The following DPP6 variants were observed in gnomAD, a reference collection of about 807,000 sequenced individuals.
The protein encoded by DPP6 is dipeptidyl peptidase like 6.
Under a neutral mutation model 122.6 loss-of-function variants are expected in DPP6, and 69 were observed. That is an observed-to-expected ratio of 0.56 (90% CI 0.46 to 0.69). DPP6 has a LOEUF of 0.69. DPP6 is among the 30% of genes least tolerant of loss of function. The pLI is 0.00. For synonymous variants in DPP6, 418 were observed against 433.1 expected (o/e 0.97, Z 0.43); for missense variants, 928 against 1,116.9 (o/e 0.83, Z 2.41).
At chr7:153,887,379 C>T (rs1003773485) in exon 1 of DPP6, 4 of 267,992 alleles carry the variant, frequency 1.5e-5, no homozygotes, top group Admixed American at 1.4e-4. Flanking sequence ...CTCGCAGCCT[C>T]TTCCTCCCTC....
intron 1 of DPP6, among the ~76,000 whole-genome samples, chr7:154,296,055 C>CT (rs1805522230): frequency 6.6e-6 from 1 of 151,426 alleles, no homozygotes; most frequent in Non-Finnish European, 1.5e-5. Context: ...CGCCATTCTC[C>CT]TGCCTCAGCC....
At chr7:153,956,055 G>T (rs773600434) in intron 1 of DPP6, among the ~76,000 whole-genome samples, 1 of 152,240 alleles carries the variant, frequency 6.6e-6, no homozygotes, top group Non-Finnish European at 1.5e-5. Context: ...CCAGTTCACA[G>T]CTGCAAAAGT....
chr7:154,494,824 T>G (rs1027195073), intron 3 of DPP6, among the ~76,000 whole-genome samples: 1 of 152,090 alleles, frequency 6.6e-6, no homozygotes, highest in African/African-American at 2.4e-5. Flanking sequence ...AAAAATGGTA[T>G]AAAAATAAAT....
At chr7:153,869,764 G>A in the DPP6 span, among the ~76,000 whole-genome samples, 1 of 152,122 alleles carries the variant, frequency 6.6e-6, no homozygotes, top group African/African-American at 2.4e-5. Context: ...TTTACAATTT[G>A]GCATGTTTTT....
intron 8 of DPP6, among the ~76,000 whole-genome samples, chr7:154,737,066 A>C (rs1203560928): frequency 6.6e-6 from 1 of 152,256 alleles, no homozygotes; most frequent in Non-Finnish European, 1.5e-5. Flanking sequence ...CCAGGGGCAC[A>C]GGATCATAGC....
chr7:154,619,911 T>C lies in DPP6; in HGVS notation c.628-17910T>C, dbSNP rs528872416. Among the ~76,000 whole-genome samples, 3 of 152,332 alleles carry C rather than the reference T, an allele frequency of 2.0e-5. No homozygotes were observed. The East Asian group carries it at 5.8e-4, about 29-fold the overall frequency. ...AGGTTTGCAAACCAGGTACCTAGGA[T>C]AGAGGTTTTCAACTCTTGGTGTGCT... On this transcript the variant is annotated intron_variant, in intron 5 of 25. Coordinates refer to ENST00000377770, the MANE Select transcript of DPP6 (RefSeq NM_130797.4).
At chr7:154,110,180 C>T (rs1806472003) in intron 1 of DPP6, among the ~76,000 whole-genome samples, 1 of 152,142 alleles carries the variant, frequency 6.6e-6, no homozygotes, top group African/African-American at 2.4e-5. Flanking sequence ...GAAAATGGAC[C>T]ACATTTGCAT....
chr7:153,784,122 T>G, the DPP6 span, among the ~76,000 whole-genome samples: 1 of 152,224 alleles, frequency 6.6e-6, no homozygotes, highest in Non-Finnish European at 1.5e-5. Flanking sequence ...GTAAATTAAA[T>G]GGAGTTTTCC....
At chr7:154,249,222 C>T (rs535188701) in intron 1 of DPP6, among the ~76,000 whole-genome samples, 1 of 152,340 alleles carries the variant, frequency 6.6e-6, no homozygotes, top group Admixed American at 6.5e-5. Flanking sequence ...AAATGCAGCT[C>T]TCTCTTTCAA....
At chr7:154,146,528 C>T (rs1796090995) in intron 1 of DPP6, among the ~76,000 whole-genome samples, 1 of 152,224 alleles carries the variant, frequency 6.6e-6, no homozygotes, top group Non-Finnish European at 1.5e-5. Context: ...CTCCCTGCCT[C>T]TCGCAGCAGC....
At chr7:153,829,277 G>A in the DPP6 span, among the ~76,000 whole-genome samples, 8 of 152,196 alleles carry the variant, frequency 5.3e-5, no homozygotes, top group South Asian at 2.1e-4. Context: ...GCAGTGGTGC[G>A]ATCTCGGGGC....
At chr7:154,783,280 T>C (rs1161079111) in intron 10 of DPP6, among the ~76,000 whole-genome samples, 3 of 152,294 alleles carry the variant, frequency 2.0e-5, no homozygotes, top group Admixed American at 6.5e-5. Flanking sequence ...CAACACTGCC[T>C]GTGATTGCTG....
chr7:154,237,125 T>C (rs6464391), intron 1 of DPP6, among the ~76,000 whole-genome samples: 132,081 of 152,244 alleles, frequency 0.87, 57,510 homozygotes, highest in African/African-American at 0.93. Context: ...TAAAGCTAAT[T>C]TGAAGCTGAT....
chr7:154,342,921 C>T (rs1810055774), intron 1 of DPP6, among the ~76,000 whole-genome samples: 1 of 152,132 alleles, frequency 6.6e-6, no homozygotes, highest in Non-Finnish European at 1.5e-5. Flanking sequence ...GTAGGATAAT[C>T]AAAATTTATT....
chr7:154,255,082 T>A (rs528395490), intron 1 of DPP6, among the ~76,000 whole-genome samples: 4 of 152,206 alleles, frequency 2.6e-5, no homozygotes, highest in African/African-American at 9.6e-5. Flanking sequence ...TTCTGGATGA[T>A]GTTAACAAAT....
At chr7:154,515,381 C>T (rs1446258990) in intron 3 of DPP6, among the ~76,000 whole-genome samples, 1 of 152,208 alleles carries the variant, frequency 6.6e-6, no homozygotes, top group Non-Finnish European at 1.5e-5. Flanking sequence ...GTCCACCGTG[C>T]ATGAGAGGCC....
intron 1 of DPP6, among the ~76,000 whole-genome samples, chr7:154,221,326 A>T (rs1800293418): frequency 1.3e-5 from 2 of 152,074 alleles, no homozygotes; most frequent in South Asian, 4.1e-4. Flanking sequence ...TTTTTATTAG[A>T]GGTGGGGTTT....
intron 1 of DPP6, among the ~76,000 whole-genome samples, chr7:154,253,739 A>G (rs1045033612): frequency 6.6e-6 from 1 of 152,232 alleles, no homozygotes; most frequent in Non-Finnish European, 1.5e-5. Context: ...ACATACTGCT[A>G]CTGAATTAGT....
intron 8 of DPP6, among the ~76,000 whole-genome samples, chr7:154,750,327 C>A (rs1843313808): frequency 6.6e-6 from 1 of 152,190 alleles, no homozygotes; most frequent in Admixed American, 6.5e-5. Flanking sequence ...CACCCTGTGT[C>A]CTGCAAGAGC....
Sources: gnomAD v4.1 joint callset for allele counts (sites outside exome capture counted in the v4.1 genomes callset) on GRCh38, gnomAD v4.1.1 for gene constraint, MANE v1.5 for transcripts, NCBI Gene and HGNC (gene_info 2026-07-23, HGNC 2026-07-21) for gene names.